PLD5: variants seen among roughly 807,000 people sequenced by gnomAD.
PLD5 encodes the protein inactive phospholipase D5.
In PLD5, 36 loss-of-function variants were observed where a neutral mutation model predicts 61.1. That is an observed-to-expected ratio of 0.59 (90% CI 0.45 to 0.78). The LOEUF (loss-of-function observed/expected upper bound fraction) is 0.78. Among genes scored for constraint, PLD5 ranks in the 30% least tolerant of loss-of-function variants. PLD5 has a pLI of 0.00. For synonymous variants in PLD5, 243 were observed against 242.8 expected (o/e 1.00, Z -0.01); for missense variants, 515 against 644.4 (o/e 0.80, Z 2.17).
intron 8 of PLD5, among the ~76,000 whole-genome samples, chr1:242,106,822 A>C (rs1308804465): frequency 4.6e-5 from 7 of 152,194 alleles, no homozygotes; most frequent in African/African-American, 1.4e-4. Context: ...GGGGGTTGAG[A>C]AAAGCTGAGG....
chr1:242,497,936 G>T (rs977614174), intron 1 of PLD5, among the ~76,000 whole-genome samples: 2 of 149,348 alleles, frequency 1.3e-5, no homozygotes, highest in African/African-American at 5.0e-5. Context: ...AAAGAATCAG[G>T]TTTTCTTTTT....
At position 242,495,449 on chromosome 1, in the gene PLD5, A is replaced by T. The variant is rs148746448; in HGVS notation, c.189+28639T>A. 9.4e-3 allele frequency among the ~76,000 whole-genome samples: 1,438 copies of T among 152,248 alleles called. 9 individuals are homozygous for T. Among genetic ancestry groups the T allele is most frequent in the Middle Eastern group, 0.027 (8 of 294 alleles). On this transcript the variant is annotated intron_variant, in intron 1 of 9. Coordinates refer to ENST00000536534, the MANE Select transcript of PLD5 (RefSeq NM_001372062.1). ...TGAATGAAAAAGCAGTGAAGACACG[A>T]GCTGTAAGCAGTATCCCAGGGAGAA...
At chr1:242,442,403 G>A (rs758190085) in intron 1 of PLD5, among the ~76,000 whole-genome samples, 14 of 152,118 alleles carry the variant, frequency 9.2e-5, no homozygotes, top group Non-Finnish European at 1.9e-4. Flanking sequence ...CAGGTATTAC[G>A]TCCACTTTAT....
intron 5 of PLD5, among the ~76,000 whole-genome samples, chr1:242,137,849 AAAAG>A (rs1663864005): frequency 6.6e-6 from 1 of 151,140 alleles, no homozygotes; most frequent in East Asian, 1.9e-4. Context: ...GGGGAAAAAG[AAAAG>A]AAAAGGCCAG....
At chr1:242,104,868 C>A (rs1660928890) in intron 8 of PLD5, among the ~76,000 whole-genome samples, 1 of 152,096 alleles carries the variant, frequency 6.6e-6, no homozygotes. Flanking sequence ...TAATTCAGTG[C>A]CTGGATAACT....
At chr1:242,346,024 C>G (rs1185490196) in intron 2 of PLD5, among the ~76,000 whole-genome samples, 2 of 62,860 alleles carry the variant, frequency 3.2e-5, no homozygotes, top group African/African-American at 6.8e-5. Flanking sequence ...CCCCCCCCCC[C>G]ATATATACAA....
chr1:242,171,052 C>A (rs535350291), intron 5 of PLD5, among the ~76,000 whole-genome samples: 2 of 152,234 alleles, frequency 1.3e-5, no homozygotes, highest in South Asian at 4.1e-4. Flanking sequence ...CACAAAGATA[C>A]TCCTCGAGCA....
rs373560035 is a variant in PLD5, at chr1:242,329,290, A to C, written c.326+18816T>G. Among the ~76,000 whole-genome samples the C allele has an allele frequency of 1.4e-4, 22 of 152,268 alleles. No homozygotes were observed. In the South Asian group the frequency reaches 2.9e-3, roughly 20 times the overall value. Reference sequence around the variant, plus strand: ...CTCCCAAAGTGCTGGGATTATACGCATGAGCCACTGTGCTCAGCCTTTTTC... The same window carrying C: ...CTCCCAAAGTGCTGGGATTATACGCCTGAGCCACTGTGCTCAGCCTTTTTC... On this transcript the variant is annotated intron_variant, in intron 2 of 9. Transcript: ENST00000536534.
At position 242,485,795 on chromosome 1, in the gene PLD5, T is replaced by C. The variant is rs1014591007; in HGVS notation, c.189+38293A>G. Among the ~76,000 whole-genome samples the C allele has an allele frequency of 5.3e-5, 8 of 152,168 alleles. No individual in the cohort carries two copies. In the East Asian group the frequency reaches 5.8e-4, roughly 11 times the overall value. On this transcript the variant is annotated intron_variant, in intron 1 of 9. Transcript: ENST00000536534. ...CAAAAGAACAAAGCTGGAGGCATCATGCTACCTGACTTCAAACTATACTAC... is the reference window on the plus strand; with the variant it reads ...CAAAAGAACAAAGCTGGAGGCATCACGCTACCTGACTTCAAACTATACTAC...
chr1:242,159,932 G>T (rs991323337), intron 5 of PLD5, among the ~76,000 whole-genome samples: 2 of 152,100 alleles, frequency 1.3e-5, no homozygotes, highest in Non-Finnish European at 2.9e-5. Flanking sequence ...ATATTCCAGA[G>T]AGGCTGCATA....
intron 4 of PLD5, among the ~76,000 whole-genome samples, chr1:242,243,263 G>T (rs1165478134): frequency 6.6e-6 from 1 of 152,288 alleles, no homozygotes; most frequent in South Asian, 2.1e-4. Flanking sequence ...AAGAGAGTCC[G>T]GCCAAACTGG....
At chr1:242,178,843 G>A (rs992779680) in intron 5 of PLD5, among the ~76,000 whole-genome samples, 1 of 152,170 alleles carries the variant, frequency 6.6e-6, no homozygotes, top group Non-Finnish European at 1.5e-5. Context: ...AAAATGGCTG[G>A]CTTTGTGTCT....
intron 2 of PLD5, among the ~76,000 whole-genome samples, chr1:242,298,079 ACTTT>A (rs1184936390): frequency 1.3e-5 from 2 of 152,078 alleles, no homozygotes; most frequent in Non-Finnish European, 2.9e-5. Flanking sequence ...CATTTTTAAT[ACTTT>A]ATTTTTTGTC....
intron 1 of PLD5, among the ~76,000 whole-genome samples, chr1:242,518,631 G>A (rs1192652705): frequency 6.6e-6 from 1 of 152,154 alleles, no homozygotes; most frequent in East Asian, 1.9e-4. Flanking sequence ...TCTATAGAGA[G>A]AAGTAAAAAC....
intron 5 of PLD5, among the ~76,000 whole-genome samples, chr1:242,214,225 G>A (rs1300054060): frequency 1.3e-5 from 2 of 152,166 alleles, no homozygotes; most frequent in African/African-American, 4.8e-5. Context: ...GCAGTTTGGT[G>A]GAGACCACAT....
upstream of PLD5, among the ~76,000 whole-genome samples, chr1:242,526,646 G>A (rs936572551): frequency 6.6e-6 from 1 of 152,164 alleles, no homozygotes; most frequent in Non-Finnish European, 1.5e-5. Context: ...ACGTTGGCCA[G>A]GCTGGTCTCT....
intron 5 of PLD5, among the ~76,000 whole-genome samples, chr1:242,127,611 G>T (rs776313956): frequency 2.0e-5 from 3 of 152,082 alleles, no homozygotes; most frequent in Admixed American, 6.5e-5. Context: ...CTATGAGGAT[G>T]CAAAGGCATA....
intron 7 of PLD5, among the ~76,000 whole-genome samples, 196 bp from the exon 8 acceptor site, chr1:242,108,035 C>T (rs1046063503): frequency 5.9e-5 from 9 of 152,128 alleles, no homozygotes; most frequent in African/African-American, 1.9e-4. Context: ...TTGCTGGGAC[C>T]TGCCCCTGCC....
intron 1 of PLD5, among the ~76,000 whole-genome samples, chr1:242,441,321 T>C (rs932503105): frequency 6.6e-6 from 1 of 152,104 alleles, no homozygotes; most frequent in Non-Finnish European, 1.5e-5. Context: ...GGTATGTTTT[T>C]AGTAGGTGTG....
Sources: allele counts gnomAD v4.1 joint callset (sites outside exome capture counted in the v4.1 genomes callset), GRCh38; gene constraint gnomAD v4.1.1; transcripts MANE v1.5; gene names NCBI Gene and HGNC (gene_info 2026-07-23, HGNC 2026-07-21).